DMD: variants seen among roughly 807,000 people sequenced by gnomAD.
DMD encodes dystrophin.
DMD carries 63 observed loss-of-function variants against 330.1 expected under a neutral mutation model. The ratio of observed to expected loss-of-function variants is 0.19; its 90% CI spans 0.16 to 0.24. The LOEUF (loss-of-function observed/expected upper bound fraction) is 0.24, where lower values mean the gene tolerates loss of function less well. Among genes scored for constraint, DMD ranks in the 10% least tolerant of loss-of-function variants. The probability of loss-of-function intolerance (pLI) is 1.00; values close to 1 mark genes in which losing one functional copy is unlikely to be tolerated. For synonymous variants in DMD, 1,223 were observed against 959.8 expected, an observed-to-expected ratio of 1.27 and a Z score of -5.07; for missense variants, 3,344 against 2,684.1, an observed-to-expected ratio of 1.25 and a Z score of -5.43.
In DMD at chrX:32,625,360, C is replaced by G. The variant is rs7059779; in HGVS notation, c.1332-10907G>C. ...TAAGGCTCAGAAACTGAATTTTTAA[C>G]TATATTTAATTATAATAATTATAAT... On this transcript the variant is annotated intron_variant, in intron 11 of 78. Coordinates refer to ENST00000357033, the MANE Select transcript of DMD (RefSeq NM_004006.3). 4.9e-3 allele frequency among the ~76,000 whole-genome samples: 545 copies of G among 111,095 alleles called. 6 individuals are homozygous for G. The highest frequency in any genetic ancestry group is 0.017 in the African/African-American group (522 of 30,624).
At chrX:31,938,456 A>C (rs1317147112) in intron 45 of DMD, among the ~76,000 whole-genome samples, 1 of 111,803 alleles carries the variant, frequency 8.9e-6, no homozygotes, top group Non-Finnish European at 1.9e-5. Flanking sequence ...TACTACTTTA[A>C]AATTATATAG....
intron 51 of DMD, among the ~76,000 whole-genome samples, chrX:31,760,643 A>G (rs941353169): frequency 3.6e-5 from 4 of 111,651 alleles, no homozygotes; most frequent in African/African-American, 1.3e-4. Context: ...ATGTTTGCAC[A>G]ACAAGATCAA....
At chrX:32,013,730 G>T (rs1236977746) in intron 44 of DMD, among the ~76,000 whole-genome samples, 2 of 112,089 alleles carry the variant, frequency 1.8e-5, no homozygotes, top group Non-Finnish European at 3.8e-5. Flanking sequence ...GTCTAAATTA[G>T]AAGAGTGGTG....
At chrX:32,232,962 G>T (rs1051108726) in intron 43 of DMD, among the ~76,000 whole-genome samples, 1 of 112,087 alleles carries the variant, frequency 8.9e-6, no homozygotes, top group Non-Finnish European at 1.9e-5. Flanking sequence ...TATCCACAAA[G>T]CTCACTAGAA....
At chrX:33,193,143 C>T (rs1190429125) in intron 1 of DMD, among the ~76,000 whole-genome samples, 1 of 111,242 alleles carries the variant, frequency 9.0e-6, no homozygotes, top group African/African-American at 3.3e-5. Flanking sequence ...CCCGTCTCTA[C>T]TAAAAATATA....
intron 15 of DMD, among the ~76,000 whole-genome samples, 166 bp from the exon 16 acceptor site, chrX:32,566,047 A>T (rs2051672846): frequency 8.9e-6 from 1 of 112,150 alleles, no homozygotes; most frequent in Non-Finnish European, 1.9e-5. Flanking sequence ...GAAAGTTATA[A>T]TCTATCTAAT....
intron 1 of DMD, among the ~76,000 whole-genome samples, chrX:33,246,656 T>A (rs1201872175): frequency 9.0e-6 from 1 of 111,040 alleles, no homozygotes; most frequent in Non-Finnish European, 1.9e-5. Context: ...AGAAATTATT[T>A]CATTTTTGGT....
intron 50 of DMD, among the ~76,000 whole-genome samples, chrX:31,791,913 A>G (rs1326532138): frequency 1.8e-5 from 2 of 112,198 alleles, no homozygotes; most frequent in South Asian, 3.7e-4. Flanking sequence ...GGAAATTCCA[A>G]TGCTGAACTT....
At chrX:32,205,043 C>CACACACACA (rs1569550759) in intron 44 of DMD, among the ~76,000 whole-genome samples, 16 of 33,489 alleles carry the variant, frequency 4.8e-4, no homozygotes, top group South Asian at 1.4e-3. Flanking sequence ...ACACACACAC[C>CACACACACA]CACACACACA....
rs138229426 is a variant in DMD at position 33,300,284 on chromosome X, A to G, written c.7+38975T>C. 8.9e-5 allele frequency among the ~76,000 whole-genome samples: 10 copies of G among 112,574 alleles called. No homozygotes were observed. In the Admixed American group the frequency reaches 9.4e-4, roughly 11 times the overall value. Reference sequence around the variant, plus strand: ...CAGCCACACCCAGAATGCTTGTACTAGTTTAAAGCCATCATTGGCAAAGGC... The same window carrying G: ...CAGCCACACCCAGAATGCTTGTACTGGTTTAAAGCCATCATTGGCAAAGGC... On this transcript the variant is annotated intron_variant, in intron 1 of 17. Transcript: ENST00000288447.
intron 15 of DMD, among the ~76,000 whole-genome samples, chrX:32,568,221 A>T (rs1451585264): frequency 8.9e-6 from 1 of 112,214 alleles, no homozygotes; most frequent in East Asian, 2.8e-4. Flanking sequence ...GTCACCATTA[A>T]AAATAAAATT....
At chrX:31,282,869 C>T (rs985004019) in intron 62 of DMD, among the ~76,000 whole-genome samples, 20 of 111,568 alleles carry the variant, frequency 1.8e-4, no homozygotes, top group Non-Finnish European at 9.4e-5. Flanking sequence ...GTCTGATTTC[C>T]AATTTTAGAA....
intron 43 of DMD, among the ~76,000 whole-genome samples, chrX:32,249,989 CT>C (rs370376083): frequency 0.18 from 20,266 of 110,893 alleles, 1,775 homozygotes; most frequent in African/African-American, 0.32. Flanking sequence ...TAATGTCCCA[CT>C]TTTTTTGCAT....
At chrX:32,928,780 G>A (rs1264546245) in intron 2 of DMD, among the ~76,000 whole-genome samples, 1 of 111,884 alleles carries the variant, frequency 8.9e-6, no homozygotes, top group African/African-American at 3.2e-5. Flanking sequence ...CTTACATGGG[G>A]TTGGGGTAAT....
At chrX:31,397,113 A>G (rs1456288637) in intron 60 of DMD, among the ~76,000 whole-genome samples, 2 of 112,146 alleles carry the variant, frequency 1.8e-5, no homozygotes, top group African/African-American at 3.2e-5. Flanking sequence ...TATTTGCAAC[A>G]TTTAGATTAA....
At chrX:31,659,771 G>C (rs1450367661) in intron 53 of DMD, among the ~76,000 whole-genome samples, 4 of 107,595 alleles carry the variant, frequency 3.7e-5, no homozygotes, top group Non-Finnish European at 7.6e-5. Context: ...ACTGTAAAAA[G>C]AGCACAATTT....
At chrX:32,264,725 G>A (rs976745061) in intron 43 of DMD, among the ~76,000 whole-genome samples, 6 of 111,845 alleles carry the variant, frequency 5.4e-5, no homozygotes, top group South Asian at 3.8e-4. Context: ...CTTTTGCTAC[G>A]CTTTAGCAAA....
At chrX:31,233,886 T>C (rs2047457866) in intron 63 of DMD, among the ~76,000 whole-genome samples, 1 of 112,071 alleles carries the variant, frequency 8.9e-6, no homozygotes, top group African/African-American at 3.2e-5. Context: ...CAGACTCTTT[T>C]TTTGTGTGTG....
rs183547009 is a variant in DMD, at chrX:33,024,694, T to C, written c.32-4494A>G. 6.2e-3 allele frequency among the ~76,000 whole-genome samples: 692 copies of C among 111,825 alleles called. 8 individuals are homozygous for C. Among genetic ancestry groups the C allele is most frequent in the African/African-American group, 0.02 (628 of 30,843 alleles). On this transcript the variant is annotated intron_variant, in intron 1 of 78. Coordinates refer to ENST00000357033, the MANE Select transcript of DMD (RefSeq NM_004006.3). ...CCCTCAGGAATATAAATGTGGGATA[T>C]ATTAAATTGCAATATTCTTGATTCA...
Sources: gnomAD v4.1 joint callset for allele counts (sites outside exome capture counted in the v4.1 genomes callset) on GRCh38, gnomAD v4.1.1 for gene constraint, MANE v1.5 for transcripts, NCBI Gene and HGNC (gene_info 2026-07-23, HGNC 2026-07-21) for gene names.